MPI: variants seen among roughly 807,000 people sequenced by gnomAD.
MPI encodes the protein mannose-6-phosphate isomerase.
Under a neutral mutation model 40.1 loss-of-function variants are expected in MPI, and 33 were observed. That is an observed-to-expected ratio of 0.82 (90% CI 0.62 to 1.10). MPI has a LOEUF of 1.10. Among genes scored for constraint, MPI ranks in the 50% least tolerant of loss-of-function variants. The probability of loss-of-function intolerance (pLI) is 0.00; values close to 1 mark genes in which losing one functional copy is unlikely to be tolerated. For missense variants in MPI, 514 were observed against 524.1 expected, an observed-to-expected ratio of 0.98 and a Z score of 0.19; for synonymous variants, 187 against 207.4, an observed-to-expected ratio of 0.90 and a Z score of 0.85.
rs147258431 is a variant in MPI, at chr15:74,894,107, T to TTTTTCTGAGCCAG, written c.670+787_670+788insTTTTCTGAGCCAG. ...GTGTGTGTGTGTGTGTGTGTGTGTG[T>TTTTTCTGAGCCAG]GGTCTCTTTCTGTTGCCCCAGGCTG... On this transcript the variant is annotated intron_variant, in intron 5 of 7. Coordinates refer to ENST00000352410, the MANE Select transcript of MPI (RefSeq NM_002435.3). Among the ~76,000 whole-genome samples the TTTTTCTGAGCCAG allele has an allele frequency of 1.6e-4, 10 of 60,958 alleles. 2 individuals are homozygous for TTTTTCTGAGCCAG. The highest frequency in any genetic ancestry group is 9.3e-5 in the Non-Finnish European group (2 of 21,586). The allele number at this position is 60,958 out of a possible 152,430, so 40.0% of individuals were successfully genotyped here.
At chr15:74,894,104 G>GCCA (rs2064777975) in intron 5 of MPI, among the ~76,000 whole-genome samples, 1 of 25,322 alleles carries the variant, frequency 3.9e-5, no homozygotes, top group Non-Finnish European at 8.6e-5. Flanking sequence ...GTGTGTGTGT[G>GCCA]TGTGGTCTCT....
At position 74,896,229 on chromosome 15, in the gene MPI, G is replaced by C. The variant is rs748090636; in HGVS notation, c.748G>C (p.Gly250Arg). The change falls in exon 6 of 8, where the codon GGC becomes CGC. Residue 250 changes from glycine to arginine, a missense_variant. By Grantham distance (125) the Gly-to-Arg change is moderately radical. Transcript: ENST00000352410. ...GCACCAGCAGTACCCAGGTGATATC[G>C]GCTGCTTTGCCATCTACTTCCTGAA... is the stretch of plus-strand genomic sequence containing the variant. ...QLHQQYPGDI[G>R]CFAIYFLNLL... 3.1e-6 allele frequency: 5 copies of C among 1,614,038 alleles called. No individual in the cohort carries two copies. Among genetic ancestry groups the C allele is most frequent in the Non-Finnish European group, 4.2e-6 (5 of 1,180,046 alleles).
intron 5 of MPI, 158 bp downstream of exon 5, chr15:74,893,478 A>G (rs2064757408): frequency 1.3e-6 from 1 of 771,508 alleles, no homozygotes; most frequent in African/African-American, 1.7e-5. Flanking sequence ...TTGCTTGCCT[A>G]GTCTTTGTGG....
chr15:74,894,605 T>C (rs1008206885), intron 5 of MPI, among the ~76,000 whole-genome samples: 64 of 134,538 alleles, frequency 4.8e-4, no homozygotes, highest in African/African-American at 1.5e-3. Context: ...GCCGGGGCAA[T>C]AGAGTGAGAC....
At position 74,902,137 on chromosome 15, in the gene MPI, G is replaced by A. The variant is rs1301229262; in HGVS notation, c.*4407G>A. On this transcript the variant is annotated 3_prime_UTR_variant, in exon 8 of 8. Coordinates refer to ENST00000352410, the MANE Select transcript of MPI (RefSeq NM_002435.3). Reference sequence around the variant, plus strand: ...CTGCAAACCATCTTAGAGCTAGGAAGAATAGAGCAAACGGAATTTCTCGAA... The same window carrying A: ...CTGCAAACCATCTTAGAGCTAGGAAAAATAGAGCAAACGGAATTTCTCGAA... The A allele has an allele frequency of 2.5e-6, 1 of 398,618 alleles. No homozygotes were observed. Among genetic ancestry groups the A allele is most frequent in the East Asian group, 3.6e-5 (1 of 28,092 alleles). 24.7% of individuals were successfully genotyped at this position (398,618 alleles called of 1,614,324 possible).
chr15:74,894,297 G>A (rs749764306), intron 5 of MPI, among the ~76,000 whole-genome samples: 16 of 151,518 alleles, frequency 1.1e-4, no homozygotes, highest in Non-Finnish European at 1.5e-4. Flanking sequence ...TTGCCTAGGC[G>A]GGTCTCGAAC....
At chr15:74,892,480 CTGG>C (rs2064741489) in intron 3 of MPI, among the ~76,000 whole-genome samples, 178 bp from the exon 4 acceptor site, 2 of 152,254 alleles carry the variant, frequency 1.3e-5, no homozygotes, top group African/African-American at 4.8e-5. Flanking sequence ...TGCCCCTGCC[CTGG>C]GTTGGCTGAG....
chr15:74,893,144 C>T lies in MPI; in HGVS notation c.494C>T (p.Pro165Leu). The change falls in exon 5 of 8, where the codon CCT (proline) becomes CTT (leucine). Residue 165 changes from proline to leucine, a missense_variant. Physicochemically the swap from Pro to Leu is moderately conservative, Grantham distance 98. Transcript: ENST00000352410. ...EEIVTFLKKV[P>L]EFQFLIGDEA... ...GGGCCTTGCCTTCCTGTAGAGGTGC[C>T]TGAGTTTCAGTTCCTGATTGGAGAT... 6.2e-7 allele frequency: 1 copy of T among 1,613,954 alleles called. No homozygotes were observed. The highest frequency in any genetic ancestry group is 1.1e-5 in the South Asian group (1 of 91,064).
intron 3 of MPI, among the ~76,000 whole-genome samples, chr15:74,891,947 TC>T (rs2064732786): frequency 6.6e-6 from 1 of 151,582 alleles, no homozygotes; most frequent in African/African-American, 2.4e-5. Context: ...CCATGGAGTC[TC>T]CCTACACAAG....
rs774547352 is a variant in MPI at position 74,897,774 on chromosome 15, T to A, written c.*44T>A. 1.3e-6 allele frequency: 2 copies of A among 1,592,086 alleles called. No homozygotes were observed. The highest frequency in any genetic ancestry group is 2.7e-5 in the African/African-American group (2 of 74,506). ...CTCTCCTCTGCCAGCCACCCTAAAT[T>A]CCAGCCAACCTCACCTCCTCGGGCC... is the stretch of plus-strand genomic sequence containing the variant. On this transcript the variant is annotated 3_prime_UTR_variant, in exon 8 of 8. Transcript: ENST00000352410.
At chr15:74,894,781 C>T (rs558768417) in intron 5 of MPI, among the ~76,000 whole-genome samples, 18 of 146,702 alleles carry the variant, frequency 1.2e-4, no homozygotes, top group African/African-American at 3.8e-4. Flanking sequence ...AGCAAGACTC[C>T]GATTCGGAAA....
Position 74,890,586 on chromosome 15 carries a change from G to A in MPI, c.76G>A (p.Glu26Lys), listed in dbSNP as rs760694473. Residue 26 changes from glutamate (E) to lysine (K), a missense_variant, in exon 2 of 8, where the codon GAA becomes AAA. Coordinates refer to ENST00000352410, the MANE Select transcript of MPI (RefSeq NM_002435.3). ...CTGGGGGAAGATGGGTTCCAACAGCGAAGTGGCGCGGCTGTTGGCCAGCAG... is the reference window on the plus strand; with the variant it reads ...CTGGGGGAAGATGGGTTCCAACAGCAAAGTGGCGCGGCTGTTGGCCAGCAG... ...YAWGKMGSNS[E>K]VARLLASSDP... 1.9e-6 allele frequency: 3 copies of A among 1,614,166 alleles called. No individual in the cohort carries two copies. The highest frequency in any genetic ancestry group is 2.5e-6 in the Non-Finnish European group (3 of 1,180,036).
At chr15:74,895,590 CA>C (rs55671836) in intron 5 of MPI, 297 of 146,564 alleles carry the variant, frequency 2.0e-3, no homozygotes, top group South Asian at 5.4e-3. Flanking sequence ...GACCCCGTCT[CA>C]AAAAAAAAAA....
In MPI at chr15:74,900,281, T is replaced by A. The variant is rs2064899384; in HGVS notation, c.*2551T>A. On this transcript the variant is annotated 3_prime_UTR_variant, in exon 8 of 8. Coordinates refer to ENST00000352410, the MANE Select transcript of MPI (RefSeq NM_002435.3). ...GTCCCACCAGGTCCCTCCAGCTTTTTCTACAAGGTAACACCCTCCTACATG... is the reference window on the plus strand; with the variant it reads ...GTCCCACCAGGTCCCTCCAGCTTTTACTACAAGGTAACACCCTCCTACATG... 6.6e-6 allele frequency: 1 copy of A among 152,332 alleles called. No homozygotes were observed. Among genetic ancestry groups the A allele is most frequent in the African/African-American group, 2.4e-5 (1 of 41,462 alleles). The allele number at this position is 152,332 out of a possible 1,614,324, so 9.4% of individuals were successfully genotyped here.
At chr15:74,894,303 C>T (rs1012842098) in intron 5 of MPI, among the ~76,000 whole-genome samples, 30 of 151,734 alleles carry the variant, frequency 2.0e-4, no homozygotes, top group African/African-American at 7.2e-5. Flanking sequence ...AGGCGGGTCT[C>T]GAACTCCTGA....
chr15:74,893,405 C>A (rs991553383), intron 5 of MPI, 85 bp downstream of exon 5: 1 of 1,496,296 alleles, frequency 6.7e-7, no homozygotes, highest in Admixed American at 1.8e-5. Flanking sequence ...CAGTTCTCAA[C>A]CCCCTTGCCC....
intron 5 of MPI, 94 bp from the exon 6 acceptor site, chr15:74,896,058 A>C: frequency 6.7e-7 from 1 of 1,482,436 alleles, no homozygotes. Context: ...TTCCTGTGGC[A>C]GGGACCTTTT....
At position 74,896,272 on chromosome 15, in the gene MPI, C is replaced by A. The variant is rs141650977; in HGVS notation, c.791C>A (p.Pro264His). The change falls in exon 6 of 8, where the codon CCT becomes CAT. Residue 264 changes from proline (P) to histidine (H), a missense_variant. Transcript: ENST00000352410. ...IYFLNLLTLK[P>H]GEAMFLEANV... ...TTCCTGAACCTGCTTACCCTGAAGC[C>A]TGGGGAGGCCATGTTTCTGGAGGCC... is the stretch of plus-strand genomic sequence containing the variant. 1.9e-6 allele frequency: 3 copies of A among 1,614,174 alleles called. No homozygotes were observed. In the Middle Eastern group the frequency reaches 4.9e-4, roughly 266 times the overall value.
chr15:74,897,303 G>T (rs1367233243), intron 7 of MPI, 84 bp downstream of exon 7: 33 of 1,528,814 alleles, frequency 2.2e-5, no homozygotes, highest in Non-Finnish European at 3.0e-5. Flanking sequence ...ACCTGGGGCT[G>T]GGTTTCCTGT....
Sources: gnomAD v4.1 joint callset for allele counts (sites outside exome capture counted in the v4.1 genomes callset) on GRCh38, gnomAD v4.1.1 for gene constraint, MANE v1.5 for transcripts, NCBI Gene and HGNC (gene_info 2026-07-23, HGNC 2026-07-21) for gene names.